Variants in TMEM132D observed in about 807,000 individuals in gnomAD.
TMEM132D encodes transmembrane protein 132D, also known as mature OL transmembrane protein.
Under a neutral mutation model 62.3 loss-of-function variants are expected in TMEM132D, and 21 were observed. The ratio of observed to expected loss-of-function variants is 0.34; its 90% CI spans 0.24 to 0.49. The LOEUF is 0.49. Among genes scored for constraint, TMEM132D ranks in the 20% least tolerant of loss-of-function variants. The pLI is 0.99. For synonymous variants in TMEM132D, 621 were observed against 575.6 expected, an observed-to-expected ratio of 1.08 and a Z score of -1.13; for missense variants, 1,346 against 1,402.8, an observed-to-expected ratio of 0.96 and a Z score of 0.65.
chr12:129,247,545 G>T (rs1202901742), intron 4 of TMEM132D, among the ~76,000 whole-genome samples: 1 of 152,204 alleles, frequency 6.6e-6, no homozygotes, highest in Non-Finnish European at 1.5e-5. Context: ...ATAGTGTTCT[G>T]TGGCTTCTCA....
chr12:129,368,992 C>T (rs568003494), intron 3 of TMEM132D, among the ~76,000 whole-genome samples: 11 of 152,292 alleles, frequency 7.2e-5, no homozygotes, highest in South Asian at 4.1e-4. Context: ...CCTGTGACAG[C>T]GAGGCGGCAC....
chr12:129,157,636 A>G (rs1877286240), intron 5 of TMEM132D, among the ~76,000 whole-genome samples: 1 of 152,228 alleles, frequency 6.6e-6, no homozygotes, highest in Non-Finnish European at 1.5e-5. Context: ...ATTATATAAA[A>G]TTCCATTAGC....
At chr12:129,622,200 C>T (rs1356954214) in intron 2 of TMEM132D, among the ~76,000 whole-genome samples, 1 of 152,144 alleles carries the variant, frequency 6.6e-6, no homozygotes, top group Non-Finnish European at 1.5e-5. Flanking sequence ...GATGAAAAAG[C>T]AGAAGCCAGC....
At chr12:129,407,829 G>A (rs1464667309) in intron 3 of TMEM132D, among the ~76,000 whole-genome samples, 2 of 151,010 alleles carry the variant, frequency 1.3e-5, no homozygotes, top group Non-Finnish European at 2.9e-5. Context: ...GCAAACCCGG[G>A]AGGCGAGCCG....
intron 1 of TMEM132D, among the ~76,000 whole-genome samples, chr12:129,899,405 G>T (rs1333463570): frequency 1.0e-5 from 1 of 96,594 alleles, no homozygotes; most frequent in Admixed American, 1.0e-4. Context: ...ATGGATGGAT[G>T]CATGGATGGA....
intron 1 of TMEM132D, among the ~76,000 whole-genome samples, chr12:129,723,519 G>A (rs1288463180): frequency 2.6e-5 from 4 of 152,186 alleles, no homozygotes; most frequent in South Asian, 2.1e-4. Context: ...AAAGAGGTCG[G>A]ATATTTCTCT....
intron 5 of TMEM132D, among the ~76,000 whole-genome samples, chr12:129,123,885 G>A (rs780162714): frequency 3.9e-5 from 6 of 152,128 alleles, no homozygotes; most frequent in Non-Finnish European, 7.3e-5. Flanking sequence ...TTCAGAATGC[G>A]AGTTACACCT....
intron 4 of TMEM132D, among the ~76,000 whole-genome samples, chr12:129,245,914 T>C (rs760965178): frequency 3.9e-5 from 6 of 152,134 alleles, no homozygotes; most frequent in Non-Finnish European, 8.8e-5. Flanking sequence ...AATTCTGGCT[T>C]TTACGAAAAA....
chr12:129,331,610 G>A (rs546454643), intron 4 of TMEM132D, among the ~76,000 whole-genome samples: 63 of 152,236 alleles, frequency 4.1e-4, no homozygotes, highest in South Asian at 2.9e-3. Flanking sequence ...CACTTACAAC[G>A]GTAACCACAA....
Position 129,277,994 on chromosome 12 carries a change from C to T in TMEM132D, c.1299+59640G>A, listed in dbSNP as rs116794048. ...GAAACTCCAAGCTTGAATGAGAGAT[C>T]GGGGAGCCCAGAACCAAGCCAGGAA... On this transcript the variant is annotated intron_variant, in intron 4 of 8. Coordinates refer to ENST00000422113, the MANE Select transcript of TMEM132D (RefSeq NM_133448.3). The surrounding 1 kb of genome is among the most constrained non-coding windows in gnomAD (Gnocchi z 4.2). Among the ~76,000 whole-genome samples, 7 of 152,074 alleles carry T rather than the reference C, an allele frequency of 4.6e-5. No individual in the cohort carries two copies. Among genetic ancestry groups the T allele is most frequent in the African/African-American group, 7.2e-5 (3 of 41,392 alleles).
intron 5 of TMEM132D, among the ~76,000 whole-genome samples, chr12:129,092,560 G>A (rs1057239166): frequency 6.6e-6 from 1 of 152,060 alleles, no homozygotes; most frequent in Non-Finnish European, 1.5e-5. Context: ...GCCAGGCTTG[G>A]TGGCGGCGCC....
At chr12:129,202,020 A>AT (rs1450870372) in intron 5 of TMEM132D, among the ~76,000 whole-genome samples, 2 of 151,490 alleles carry the variant, frequency 1.3e-5, no homozygotes, top group Non-Finnish European at 2.9e-5. Context: ...TTGAAAAAAA[A>AT]AATAAAACAA....
intron 5 of TMEM132D, among the ~76,000 whole-genome samples, chr12:129,204,483 T>C (rs1878789517): frequency 6.6e-6 from 1 of 151,726 alleles, no homozygotes; most frequent in African/African-American, 2.4e-5. Context: ...AGGAAGAAAA[T>C]GAAGAAGAAC....
At position 129,791,839 on chromosome 12, in the gene TMEM132D, AG is replaced by A. The variant is rs560782535; in HGVS notation, c.80-91142del. On this transcript the variant is annotated intron_variant, in intron 1 of 8. Coordinates refer to ENST00000422113, the MANE Select transcript of TMEM132D (RefSeq NM_133448.3). ...AAAAGCAAATAGTCAAACAGCCGTC[AG>A]CAGACTTAGACAATCCACAGACCTA... 2.4e-3 allele frequency among the ~76,000 whole-genome samples: 361 copies of A among 152,350 alleles called. 2 individuals carry two copies. The highest frequency in any genetic ancestry group is 3.9e-3 in the Non-Finnish European group (266 of 68,034).
chr12:129,718,335 G>C (rs1868670087), intron 1 of TMEM132D, among the ~76,000 whole-genome samples: 1 of 152,208 alleles, frequency 6.6e-6, no homozygotes, highest in African/African-American at 2.4e-5. Context: ...GACCACTGCA[G>C]GGTCCAGGGA....
At chr12:129,185,297 C>A (rs958950667) in intron 5 of TMEM132D, among the ~76,000 whole-genome samples, 4 of 151,932 alleles carry the variant, frequency 2.6e-5, no homozygotes, top group African/African-American at 9.7e-5. Context: ...TCTGTCATCA[C>A]CAAGAATAAA....
intron 5 of TMEM132D, among the ~76,000 whole-genome samples, chr12:129,158,822 A>C (rs571292598): frequency 1.3e-5 from 2 of 152,358 alleles, no homozygotes; most frequent in Admixed American, 6.5e-5. Context: ...AAGAGGTTTA[A>C]TTGACTCACA....
At chr12:129,743,949 A>T (rs1293883089) in intron 1 of TMEM132D, among the ~76,000 whole-genome samples, 1 of 152,046 alleles carries the variant, frequency 6.6e-6, no homozygotes, top group Non-Finnish European at 1.5e-5. Context: ...TGTCAGAGAC[A>T]AAAAAGCGTG....
chr12:129,892,167 C>A (rs1401015388), intron 1 of TMEM132D, among the ~76,000 whole-genome samples: 1 of 152,142 alleles, frequency 6.6e-6, no homozygotes, highest in Non-Finnish European at 1.5e-5. Flanking sequence ...TAAAGCAAAG[C>A]TAAACAGGTG....
Sources: gnomAD v4.1 joint callset for allele counts (sites outside exome capture counted in the v4.1 genomes callset) on GRCh38, gnomAD v4.1.1 for gene constraint, Gnocchi (gnomAD v3.1) non-coding constraint, MANE v1.5 for transcripts, NCBI Gene and HGNC (gene_info 2026-07-23, HGNC 2026-07-21) for gene names.